The following ADAMTS9 variants were observed in gnomAD, a reference collection of about 807,000 sequenced individuals.
ADAMTS9 encodes the protein A disintegrin and metalloproteinase with thrombospondin motifs 9.
Under a neutral mutation model 257.1 loss-of-function variants are expected in ADAMTS9, and 107 were observed. The observed-to-expected ratio is 0.42, with a 90% confidence interval of 0.36 to 0.49. ADAMTS9 has a LOEUF of 0.49. ADAMTS9 is among the 20% of genes least tolerant of loss of function. The pLI, the probability that ADAMTS9 is intolerant of heterozygous loss-of-function variation, is 0.03. For synonymous variants in ADAMTS9, 982 were observed against 880.9 expected (o/e 1.11, Z -2.03); for missense variants, 2,353 against 2,469.1 (o/e 0.95, Z 1.00).
intron 8 of ADAMTS9, among the ~76,000 whole-genome samples, chr3:64,652,322 TAG>T (rs1201699918): frequency 6.6e-6 from 1 of 152,216 alleles, no homozygotes; most frequent in African/African-American, 2.4e-5. Context: ...TACTTGCCAA[TAG>T]AGACAGAAAA....
At chr3:64,548,291 C>A (rs1298283037) in intron 31 of ADAMTS9, among the ~76,000 whole-genome samples, 1 of 152,162 alleles carries the variant, frequency 6.6e-6, no homozygotes, top group Non-Finnish European at 1.5e-5. Flanking sequence ...GCCTTCCCTT[C>A]CAGTTGGCTC....
At chr3:64,518,364 G>A (rs1471677477) in intron 39 of ADAMTS9, among the ~76,000 whole-genome samples, 1 of 152,124 alleles carries the variant, frequency 6.6e-6, no homozygotes, top group Non-Finnish European at 1.5e-5. Context: ...ACACGGTAAT[G>A]GGCTACTGGA....
intron 3 of ADAMTS9, among the ~76,000 whole-genome samples, chr3:64,661,307 A>T (rs1005289913): frequency 7.4e-6 from 1 of 135,538 alleles, no homozygotes; most frequent in African/African-American, 3.0e-5. Flanking sequence ...TTGTATACAT[A>T]TATGAGCTTT....
chr3:64,652,151 G>C (rs1700947219), intron 8 of ADAMTS9, among the ~76,000 whole-genome samples: 1 of 152,200 alleles, frequency 6.6e-6, no homozygotes, highest in African/African-American at 2.4e-5. Flanking sequence ...TTAGCATTGA[G>C]AGAGAAATTC....
chr3:64,589,104 T>G (rs372806175), intron 28 of ADAMTS9: 1 of 152,232 alleles, frequency 6.6e-6, no homozygotes, highest in Non-Finnish European at 1.5e-5. Context: ...ATATTCCTTA[T>G]AGTCAAAATC....
In ADAMTS9 at chr3:64,594,317, G is replaced by C. The variant is rs2084319679; in HGVS notation, c.4297C>G (p.Gln1433Glu). The C allele has an allele frequency of 3.7e-6, 6 of 1,612,986 alleles. No individual in the cohort carries two copies. The highest frequency in any genetic ancestry group is 1.7e-5 in the Admixed American group (1 of 59,930). ...EILDKPPDRE[Q>E]CNTHACPHDA... The stretch of plus-strand genomic sequence containing the variant: ...TGTGGACAAGCATGTGTGTTACACT[G>C]CTCACGATCGGGAGGTTTATCAAGA... Residue 1433 changes from glutamine to glutamate, a missense_variant, in exon 28 of 40, where the codon CAG (glutamine) becomes GAG (glutamate). Gln to Glu is a conservative substitution (Grantham distance 29, BLOSUM62 2). Around this residue, in one of 3 missense-constraint regions of ADAMTS9, gnomAD observed 1,402 missense variants for 1,441.4 expected, o/e 0.97. Coordinates refer to ENST00000498707, the MANE Select transcript of ADAMTS9 (RefSeq NM_182920.2).
intron 29 of ADAMTS9, chr3:64,565,699 A>C (rs567254803): frequency 7.9e-5 from 12 of 152,332 alleles, no homozygotes; most frequent in Non-Finnish European, 1.8e-4. Flanking sequence ...TTGAGTCTTC[A>C]CATTTGTCAG....
At chr3:64,564,749 A>AT (rs2083500379) in intron 29 of ADAMTS9, among the ~76,000 whole-genome samples, 1 of 151,804 alleles carries the variant, frequency 6.6e-6, no homozygotes, top group Non-Finnish European at 1.5e-5. Flanking sequence ...CAAATGTCCC[A>AT]TGGGGTACAA....
intron 38 of ADAMTS9, among the ~76,000 whole-genome samples, chr3:64,524,841 AT>A (rs1303106360): frequency 1.3e-5 from 2 of 152,162 alleles, no homozygotes; most frequent in Non-Finnish European, 1.5e-5. Flanking sequence ...CAACACATGC[AT>A]TTCTTTTTGT....
chr3:64,648,603 T>A (rs1280033312), intron 10 of ADAMTS9, among the ~76,000 whole-genome samples: 1 of 152,226 alleles, frequency 6.6e-6, no homozygotes, highest in African/African-American at 2.4e-5. Context: ...ACACTTATAG[T>A]AGAAAAGTTG....
chr3:64,605,808 C>T (rs2106819194), intron 23 of ADAMTS9, among the ~76,000 whole-genome samples: 1 of 152,262 alleles, frequency 6.6e-6, no homozygotes, highest in African/African-American at 2.4e-5. Flanking sequence ...TGTACATACA[C>T]ATACATATGT....
At chr3:64,559,067 G>C (rs1413151391) in intron 30 of ADAMTS9, among the ~76,000 whole-genome samples, 1 of 152,206 alleles carries the variant, frequency 6.6e-6, no homozygotes, top group Non-Finnish European at 1.5e-5. Context: ...TGACCACCCA[G>C]TTTACTGTTG....
intron 37 of ADAMTS9, 105 bp from the exon 38 acceptor site, chr3:64,533,375 GTTGA>G (rs1359363032): frequency 2.4e-5 from 21 of 885,288 alleles, no homozygotes; most frequent in Non-Finnish European, 3.3e-5. Context: ...AGAGAAGGAT[GTTGA>G]TTAATTGTGA....
intron 26 of ADAMTS9, 26 bp from the exon 27 acceptor site, chr3:64,597,017 T>C (rs768080268): frequency 6.2e-7 from 1 of 1,612,258 alleles, no homozygotes; most frequent in Admixed American, 1.7e-5. Flanking sequence ...GACAAGTTAA[T>C]CCCCACCTCA....
At chr3:64,664,379 A>C (rs1701293095) in intron 3 of ADAMTS9, among the ~76,000 whole-genome samples, 1 of 152,214 alleles carries the variant, frequency 6.6e-6, no homozygotes, top group African/African-American at 2.4e-5. Context: ...ATCTAACTTT[A>C]GAATATTTTC....
intron 11 of ADAMTS9, among the ~76,000 whole-genome samples, chr3:64,646,233 C>T (rs1465568066): frequency 6.6e-6 from 1 of 152,152 alleles, no homozygotes; most frequent in Non-Finnish European, 1.5e-5. Flanking sequence ...GCCAACTAAC[C>T]AAGTTGTCAA....
chr3:64,597,119 G>A (rs973930223), intron 26 of ADAMTS9, 128 bp from the exon 27 acceptor site: 2 of 1,301,958 alleles, frequency 1.5e-6, no homozygotes, highest in African/African-American at 1.5e-5. Flanking sequence ...AGGACAAAAA[G>A]CAATCAGGAA....
chr3:64,633,590 C>T lies in ADAMTS9; in HGVS notation c.2057G>A (p.Cys686Tyr). Residue 686 changes from cysteine (C) to tyrosine (Y), a missense_variant, in exon 14 of 40, where the codon TGC (cysteine) becomes TAC (tyrosine). Around this residue, in one of 3 missense-constraint regions of ADAMTS9, gnomAD observed 360 missense variants for 458.1 expected, o/e 0.79. Transcript: ENST00000498707. ...CCCTGCCACTCTGCAGAACAACTTGCACCGGTCCTTCATCAGAACTAGAGA... is the reference window on the plus strand; with the variant it reads ...CCCTGCCACTCTGCAGAACAACTTGTACCGGTCCTTCATCAGAACTAGAGA... ...KYSGILMKDRCKLFCRVAGNT... is the reference protein window; with the variant it reads ...KYSGILMKDRYKLFCRVAGNT... 2 of 1,614,130 alleles carry T rather than the reference C, an allele frequency of 1.2e-6. No homozygotes were observed. The highest frequency in any genetic ancestry group is 1.1e-5 in the South Asian group (1 of 91,088).
At chr3:64,593,943 T>G (rs887137685) in intron 28 of ADAMTS9, among the ~76,000 whole-genome samples, 2 of 113,340 alleles carry the variant, frequency 1.8e-5, no homozygotes, top group African/African-American at 1.2e-4. Context: ...AAAATCACTA[T>G]GTATGTGTGT....
Sources: allele counts gnomAD v4.1 joint callset (sites outside exome capture counted in the v4.1 genomes callset), GRCh38; gene constraint gnomAD v4.1.1; regional missense constraint gnomAD v4.1.1; transcripts MANE v1.5; gene names NCBI Gene and HGNC (gene_info 2026-07-23, HGNC 2026-07-21).